EMG1: variants seen among roughly 807,000 people sequenced by gnomAD.
EMG1 encodes EMG1 N1-specific pseudouridine methyltransferase.
Under a neutral mutation model 26.9 loss-of-function variants are expected in EMG1, and 24 were observed. That is an observed-to-expected ratio of 0.89 (90% CI 0.65 to 1.26). The LOEUF is 1.26. Among genes scored for constraint, EMG1 ranks in the 50% most tolerant of loss-of-function variants. The probability of loss-of-function intolerance (pLI) is 0.00; values close to 1 mark genes in which losing one functional copy is unlikely to be tolerated. For synonymous variants in EMG1, 140 were observed against 112.6 expected (o/e 1.24, Z -1.54); for missense variants, 299 against 307.6 (o/e 0.97, Z 0.21).
At chr12:6,982,736 G>A, downstream of EMG1, 1 of 1,614,086 alleles carries the variant, frequency 6.2e-7, no homozygotes, top group African/African-American at 1.3e-5. Context: ...GTCGAAGGAT[G>A]AGGAACTGAA....
In EMG1 at chr12:6,978,907, C is replaced by G; in HGVS notation, c.*3098C>G. 1.6e-6 allele frequency: 1 copy of G among 608,710 alleles called. No individual in the cohort carries two copies. Among genetic ancestry groups the G allele is most frequent in the Non-Finnish European group, 2.8e-6 (1 of 358,008 alleles). The allele number at this position is 608,710 out of a possible 1,614,324, so 37.7% of individuals were successfully genotyped here. On this transcript the variant is annotated 3_prime_UTR_variant, in exon 6 of 6. Transcript: ENST00000599672. ...CATTCGCCTTTCCCTTGGAGAGCCT[C>G]AAGGGCAGCACTGTATTTAACTTCT...
chr12:6,974,859 C>A, intron 3 of EMG1, 166 bp downstream of exon 3: 1 of 870,010 alleles, frequency 1.1e-6, no homozygotes, highest in Non-Finnish European at 1.8e-6. Context: ...GTGGAAACTC[C>A]ACTCCTGTTC....
downstream of EMG1, chr12:6,983,499 G>A: frequency 1.9e-6 from 3 of 1,612,766 alleles, no homozygotes; most frequent in Non-Finnish European, 2.5e-6. Flanking sequence ...AGGTCTCCTT[G>A]TAGAAAAGGT....
At chr12:6,988,072 A>G in intron 7 of EMG1, 1 of 334,236 alleles carries the variant, frequency 3.0e-6, no homozygotes, top group Admixed American at 4.8e-5. Context: ...GATTTAAGAC[A>G]AAAGCAAGGG....
At chr12:6,988,955 C>T (rs1946559120), downstream of EMG1, among the ~76,000 whole-genome samples, 6 of 152,052 alleles carry the variant, frequency 3.9e-5, no homozygotes, top group South Asian at 1.2e-3. Context: ...GAAACCCTGT[C>T]TCTACTAAAA....
chr12:6,992,367 C>T (rs1395053635), downstream of EMG1, among the ~76,000 whole-genome samples: 1 of 151,868 alleles, frequency 6.6e-6, no homozygotes, highest in African/African-American at 2.4e-5. Flanking sequence ...ATCAACGATT[C>T]TTAAGTGAAA....
chr12:6,971,420 G>C (rs2041601), intron 1 of EMG1, among the ~76,000 whole-genome samples: 34,639 of 151,686 alleles, frequency 0.23, 7,150 homozygotes, highest in African/African-American at 0.56. Flanking sequence ...ACTACAGGCA[G>C]GTGCCACCAC....
chr12:6,986,374 GTTTAC>G (rs1417516049), intron 6 of EMG1, among the ~76,000 whole-genome samples: 3 of 152,014 alleles, frequency 2.0e-5, no homozygotes, highest in Admixed American at 1.3e-4. Flanking sequence ...CTTTTCTATA[GTTTAC>G]TTTATGGTAA....
downstream of EMG1, among the ~76,000 whole-genome samples, chr12:6,990,267 C>A (rs1437190493): frequency 6.6e-6 from 1 of 151,276 alleles, no homozygotes; most frequent in Non-Finnish European, 1.5e-5. Context: ...CCCAGCACTT[C>A]GGGAGGCTGA....
downstream of EMG1, chr12:6,981,084 T>C: frequency 6.2e-7 from 1 of 1,613,990 alleles, no homozygotes; most frequent in Non-Finnish European, 8.5e-7. Flanking sequence ...ACTGGGGCCC[T>C]ACCAAGAAGG....
chr12:6,983,263 A>G, downstream of EMG1: 1 of 585,578 alleles, frequency 1.7e-6, no homozygotes, highest in Non-Finnish European at 3.1e-6. Flanking sequence ...AATGTACATA[A>G]AAGAAAAAAA....
intron 1 of EMG1, among the ~76,000 whole-genome samples, chr12:6,973,837 C>T (rs1051570229): frequency 4.6e-5 from 7 of 152,370 alleles, no homozygotes; most frequent in Non-Finnish European, 8.8e-5. Context: ...CCACCACGCC[C>T]GGCCTTCACA....
Position 6,976,530 on chromosome 12 carries a change from G to C in EMG1, c.*721G>C, listed in dbSNP as rs1398869479. ...ACTTGCGGTCAGGAGTTCGAGACCA[G>C]CCTGGCCAACGTGGTGAAATCCCGT... On this transcript the variant is annotated 3_prime_UTR_variant, in exon 6 of 6. Coordinates refer to ENST00000599672, the MANE Select transcript of EMG1 (RefSeq NM_006331.8). 2.6e-5 allele frequency: 4 copies of C among 153,160 alleles called. No individual in the cohort carries two copies. The highest frequency in any genetic ancestry group is 9.7e-5 in the African/African-American group (4 of 41,450). The allele number at this position is 153,160 out of a possible 1,614,324, so 9.5% of individuals were successfully genotyped here.
In EMG1 at chr12:6,978,935, A is replaced by C; in HGVS notation, c.*3126A>C. 2.0e-6 allele frequency: 1 copy of C among 497,840 alleles called. No individual in the cohort carries two copies. The highest frequency in any genetic ancestry group is 2.9e-5 in the South Asian group (1 of 34,468). 30.8% of individuals were successfully genotyped at this position (497,840 alleles called of 1,614,324 possible). A position where few individuals can be genotyped will look rare whatever the true frequency, so the allele number is the denominator to read the frequency against. On this transcript the variant is annotated 3_prime_UTR_variant, in exon 6 of 6. Transcript: ENST00000599672. Reference sequence around the variant, plus strand: ...GGGCAGCACTGTATTTAACTTCTCTACTGTTTGCCTTCGTTGGCAAAGTGT... The same window carrying C: ...GGGCAGCACTGTATTTAACTTCTCTCCTGTTTGCCTTCGTTGGCAAAGTGT...
chr12:6,993,141 T>A (rs868995815), downstream of EMG1, among the ~76,000 whole-genome samples: 79 of 152,248 alleles, frequency 5.2e-4, no homozygotes, highest in Middle Eastern at 0.024. Flanking sequence ...TGTTTTTTAG[T>A]ATATTCAAAA....
Position 6,976,281 on chromosome 12 carries a change from TG to T in EMG1, c.*480del, listed in dbSNP as rs1214273780. 7.2e-5 allele frequency: 11 copies of T among 152,454 alleles called. No individual in the cohort carries two copies. The highest frequency in any genetic ancestry group is 1.9e-4 in the East Asian group (1 of 5,148). The allele number at this position is 152,454 out of a possible 1,614,324, so 9.4% of individuals were successfully genotyped here. A position where few individuals can be genotyped will look rare whatever the true frequency, so the allele number is the denominator to read the frequency against. ...CCTTGCACCCCTCTCCACCCCCCCA[TG>T]GGGGGGGTGGTGGTAGCGGCACATA... On this transcript the variant is annotated 3_prime_UTR_variant, in exon 6 of 6. Transcript: ENST00000599672.
chr12:6,973,472 G>T (rs1555152546), intron 1 of EMG1, among the ~76,000 whole-genome samples: 1 of 151,526 alleles, frequency 6.6e-6, no homozygotes, highest in Non-Finnish European at 1.5e-5. Flanking sequence ...CTGCCCCCAT[G>T]CCCGTCTTAA....
In EMG1 at chr12:6,974,654, C is replaced by A; in HGVS notation, c.373C>A (p.Arg125=). ...NVLIEVNPQT[R]IPRTFDRFCG... ...TCTGATTGAAGTGAATCCCCAGACC[C>A]GAATTCCCAGAACCTTTGACCGCTT... is the stretch of plus-strand genomic sequence containing the variant. The change falls in exon 3 of 6, where the codon CGA becomes AGA. Residue 125 remains arginine (R), a synonymous_variant. Transcript: ENST00000599672. The A allele has an allele frequency of 6.2e-7, 1 of 1,613,952 alleles. No homozygotes were observed. The highest frequency in any genetic ancestry group is 1.1e-5 in the South Asian group (1 of 91,082).
intron 6 of EMG1, among the ~76,000 whole-genome samples, chr12:6,985,656 A>G (rs1440588658): frequency 1.3e-5 from 2 of 152,034 alleles, no homozygotes; most frequent in East Asian, 3.9e-4. Context: ...CAGAGTTTGC[A>G]GTGAGCTGAG....
Sources: allele counts gnomAD v4.1 joint callset (sites outside exome capture counted in the v4.1 genomes callset), GRCh38; gene constraint gnomAD v4.1.1; transcripts MANE v1.5; gene names NCBI Gene and HGNC (gene_info 2026-07-23, HGNC 2026-07-21).